SNX29: variants seen among roughly 807,000 people sequenced by gnomAD.
The protein encoded by SNX29 is sorting nexin-29.
In SNX29, 78 loss-of-function variants were observed where a neutral mutation model predicts 102.1. That is an observed-to-expected ratio of 0.76 (90% CI 0.64 to 0.92). The LOEUF is 0.92. Among genes scored for constraint, SNX29 ranks in the 40% least tolerant of loss-of-function variants. The pLI is 0.00. For missense variants in SNX29, 1,280 were observed against 1,061.7 expected, an observed-to-expected ratio of 1.21 and a Z score of -2.86; for synonymous variants, 580 against 414.5, an observed-to-expected ratio of 1.40 and a Z score of -4.85.
chr16:12,085,451 G>A (rs1280452659), intron 11 of SNX29, among the ~76,000 whole-genome samples: 1 of 152,064 alleles, frequency 6.6e-6, no homozygotes, highest in Non-Finnish European at 1.5e-5. Context: ...CTCTGCCTTC[G>A]GAGTAGCTGG....
intron 13 of SNX29, among the ~76,000 whole-genome samples, chr16:12,156,385 G>A (rs2055551184): frequency 6.6e-6 from 1 of 152,208 alleles, no homozygotes; most frequent in African/African-American, 2.4e-5. Context: ...TGTTGGCCAG[G>A]ATGGTCTCAT....
chr16:11,979,453 T>C (rs932475771), intron 1 of SNX29, among the ~76,000 whole-genome samples: 1 of 152,186 alleles, frequency 6.6e-6, no homozygotes, highest in African/African-American at 2.4e-5. Context: ...TATATTTTGT[T>C]TCTTGAGAAT....
chr16:12,534,359 T>G (rs1017529899), intron 20 of SNX29, among the ~76,000 whole-genome samples: 1 of 152,230 alleles, frequency 6.6e-6, no homozygotes, highest in African/African-American at 2.4e-5. Context: ...AGAGGTTTCC[T>G]GCACCTCTCA....
chr16:12,391,754 G>A (rs551623046), intron 16 of SNX29, among the ~76,000 whole-genome samples: 10 of 151,988 alleles, frequency 6.6e-5, no homozygotes, highest in Admixed American at 6.6e-5. Flanking sequence ...CTTTACCATC[G>A]CCCCAGAATG....
intron 20 of SNX29, among the ~76,000 whole-genome samples, chr16:12,552,030 C>T (rs2078009564): frequency 6.6e-6 from 1 of 152,174 alleles, no homozygotes; most frequent in African/African-American, 2.4e-5. Flanking sequence ...GTGGCAAGTC[C>T]AGGCTCAGAT....
At position 12,573,600 on chromosome 16, in the gene SNX29, T is replaced by G. The variant is rs1049499476; in HGVS notation, c.*4971T>G. The G allele has an allele frequency of 1.4e-5, 3 of 221,574 alleles. No individual in the cohort carries two copies. Among genetic ancestry groups the G allele is most frequent in the African/African-American group, 2.2e-5 (1 of 44,684 alleles). 13.7% of individuals were successfully genotyped at this position (221,574 alleles called of 1,614,324 possible). ...AGGCTTCCCCCACTTCCCCTCAAATTTTCTCAGCTCTGCCGCTGGTCTCCA... is the reference window on the plus strand; with the variant it reads ...AGGCTTCCCCCACTTCCCCTCAAATGTTCTCAGCTCTGCCGCTGGTCTCCA... On this transcript the variant is annotated 3_prime_UTR_variant, in exon 21 of 21. Coordinates refer to ENST00000566228, the MANE Select transcript of SNX29 (RefSeq NM_032167.5).
chr16:12,450,881 C>A (rs759198251), intron 18 of SNX29, among the ~76,000 whole-genome samples: 2 of 152,000 alleles, frequency 1.3e-5, no homozygotes, highest in Admixed American at 6.6e-5. Context: ...TGGAGAAAAC[C>A]CAGAACACAT....
chr16:12,033,656 G>C (rs1021470599), intron 4 of SNX29, among the ~76,000 whole-genome samples: 2 of 150,922 alleles, frequency 1.3e-5, no homozygotes, highest in Non-Finnish European at 2.9e-5. Flanking sequence ...GCCCATGCTG[G>C]AGTGCAGTGG....
chr16:12,115,161 C>T (rs116130354), intron 11 of SNX29, among the ~76,000 whole-genome samples: 1 of 152,084 alleles, frequency 6.6e-6, no homozygotes, highest in Non-Finnish European at 1.5e-5. Flanking sequence ...AGCTGAAGTC[C>T]GTCCCTCCCC....
At chr16:12,280,421 T>G (rs1432538158) in intron 15 of SNX29, among the ~76,000 whole-genome samples, 1 of 152,230 alleles carries the variant, frequency 6.6e-6, no homozygotes, top group Non-Finnish European at 1.5e-5. Context: ...CTGGCCGTTC[T>G]GGCCAGCTGT....
At chr16:12,547,927 C>T (rs950711156) in intron 20 of SNX29, among the ~76,000 whole-genome samples, 1 of 152,152 alleles carries the variant, frequency 6.6e-6, no homozygotes, top group Admixed American at 6.5e-5. Flanking sequence ...TTCAGGGATA[C>T]CTCAATTCCC....
chr16:12,181,678 G>T (rs2141837484), intron 13 of SNX29, among the ~76,000 whole-genome samples: 1 of 143,744 alleles, frequency 7.0e-6, no homozygotes, highest in South Asian at 2.5e-4. Flanking sequence ...TTGGGGGCCT[G>T]TTGGTGATTT....
At chr16:12,431,339 C>T (rs940733555) in intron 18 of SNX29, among the ~76,000 whole-genome samples, 2 of 151,960 alleles carry the variant, frequency 1.3e-5, no homozygotes, top group Non-Finnish European at 2.9e-5. Flanking sequence ...TTAACAGCCC[C>T]AGGGGTCTGT....
chr16:12,442,939 T>A, intron 18 of SNX29: 1 of 447,986 alleles, frequency 2.2e-6, no homozygotes, highest in Non-Finnish European at 4.5e-6. Context: ...GAACTTTGAA[T>A]TTCATATACT....
chr16:12,147,072 G>A (rs763879663), intron 13 of SNX29, among the ~76,000 whole-genome samples: 2 of 152,176 alleles, frequency 1.3e-5, no homozygotes, highest in Admixed American at 6.5e-5. Flanking sequence ...TTTTGTTGAC[G>A]AACTCAACTT....
chr16:12,366,964 GATTTAC>G (rs1256740745), intron 16 of SNX29: 1 of 151,790 alleles, frequency 6.6e-6, no homozygotes, highest in African/African-American at 2.4e-5. Flanking sequence ...GTTTAATAAA[GATTTAC>G]ATTGCTGTAT....
chr16:12,190,998 C>T (rs547713707), intron 13 of SNX29, among the ~76,000 whole-genome samples: 6 of 151,496 alleles, frequency 4.0e-5, no homozygotes, highest in East Asian at 3.9e-4. Flanking sequence ...TGTAGAGCAG[C>T]GGTCCCCAAC....
chr16:12,364,307 C>A (rs1350387256), intron 16 of SNX29, among the ~76,000 whole-genome samples: 1 of 152,060 alleles, frequency 6.6e-6, no homozygotes, highest in East Asian at 1.9e-4. Context: ...TCCCAAATTG[C>A]TGGGATTATA....
At chr16:12,537,457 C>T (rs1358743943) in intron 20 of SNX29, among the ~76,000 whole-genome samples, 1 of 151,008 alleles carries the variant, frequency 6.6e-6, no homozygotes. Context: ...TTCACCTCTG[C>T]CTCAGCATCC....
Sources: allele counts gnomAD v4.1 joint callset (sites outside exome capture counted in the v4.1 genomes callset), GRCh38; gene constraint gnomAD v4.1.1; transcripts MANE v1.5; gene names NCBI Gene and HGNC (gene_info 2026-07-23, HGNC 2026-07-21).